The following EML6 variants were observed in gnomAD, a reference collection of about 807,000 sequenced individuals.
The protein encoded by EML6 is echinoderm microtubule-associated protein-like 6.
Under a neutral mutation model 240.1 loss-of-function variants are expected in EML6, and 154 were observed. That is an observed-to-expected ratio of 0.64 (90% CI 0.56 to 0.73). The LOEUF is 0.73. EML6 is among the 30% of genes least tolerant of loss of function. The probability of loss-of-function intolerance (pLI) is 0.00; values close to 1 mark genes in which losing one functional copy is unlikely to be tolerated. For missense variants in EML6, 2,964 were observed against 2,474.6 expected (o/e 1.20, Z -4.20); for synonymous variants, 1,148 against 899.0 (o/e 1.28, Z -4.95).
At chr2:54,781,802 T>C (rs974163942) in intron 2 of EML6, among the ~76,000 whole-genome samples, 7 of 152,136 alleles carry the variant, frequency 4.6e-5, no homozygotes, top group African/African-American at 1.7e-4. Context: ...CTCGAGTAGT[T>C]GGGACCACAG....
Position 54,863,772 on chromosome 2 carries a change from T to G in EML6, c.1826-11T>G. 6.8e-7 allele frequency: 1 copy of G among 1,462,972 alleles called. No individual in the cohort carries two copies. Among genetic ancestry groups the G allele is most frequent in the African/African-American group, 1.4e-5 (1 of 71,260 alleles). 90.6% of individuals were successfully genotyped at this position (1,462,972 alleles called of 1,614,324 possible). A position where few individuals can be genotyped will look rare whatever the true frequency, so the allele number is the denominator to read the frequency against. ...ATTTTTGCTTGTTTCTTGTGGGTTG[T>G]ATCTCTGCAGAAGGTGGAGCTGATT... On this transcript the variant is annotated splice_polypyrimidine_tract_variant and intron_variant, in intron 12 of 41. Transcript: ENST00000356458.
chr2:54,756,614 T>C (rs1340645815), intron 2 of EML6, among the ~76,000 whole-genome samples: 1 of 151,960 alleles, frequency 6.6e-6, no homozygotes, highest in African/African-American at 2.4e-5. Context: ...ATTTTCCTTT[T>C]TATAAATGAT....
chr2:54,968,797 TC>T, intron 41 of EML6, 29 bp downstream of exon 41: 1 of 1,263,272 alleles, frequency 7.9e-7, no homozygotes, highest in Non-Finnish European at 1.1e-6. Flanking sequence ...CAGTTCTTAC[TC>T]CACAGGCCTG....
chr2:54,939,879 C>A (rs748665671), intron 28 of EML6, among the ~76,000 whole-genome samples: 1 of 152,200 alleles, frequency 6.6e-6, no homozygotes, highest in African/African-American at 2.4e-5. Context: ...ACTATAGAGG[C>A]AACTTAACTC....
At position 54,968,067 on chromosome 2, in the gene EML6, G is replaced by T; in HGVS notation, c.5598-61G>T. ...TCCTTATCCCTGGGAGGTGATGACT[G>T]ACTGCAAGGAGCCTTCGCCGTGACT... On this transcript the variant is annotated intron_variant, in intron 39 of 41. Transcript: ENST00000356458. 2.0e-6 allele frequency: 3 copies of T among 1,493,442 alleles called. No individual in the cohort carries two copies. The South Asian group carries it at 3.6e-5, about 18-fold the overall frequency. 92.5% of individuals were successfully genotyped at this position (1,493,442 alleles called of 1,614,324 possible). A position where few individuals can be genotyped will look rare whatever the true frequency, so the allele number is the denominator to read the frequency against.
chr2:54,763,698 G>C (rs1273703914), intron 2 of EML6, among the ~76,000 whole-genome samples: 1 of 152,160 alleles, frequency 6.6e-6, no homozygotes, highest in Non-Finnish European at 1.5e-5. Context: ...GAGCCTAAAA[G>C]GGTGAATGTA....
In EML6 at chr2:54,889,344, C is replaced by T. The variant is rs145460270; in HGVS notation, c.2439-1710C>T. On this transcript the variant is annotated intron_variant, in intron 17 of 41. Transcript: ENST00000356458. ...CTCCAGATTAAACACACACACACCCCGTGGTCTTTTTATTGGAACTAAGTT... is the reference window on the plus strand; with the variant it reads ...CTCCAGATTAAACACACACACACCCTGTGGTCTTTTTATTGGAACTAAGTT... Among the ~76,000 whole-genome samples the T allele has an allele frequency of 7.1e-4, 108 of 151,860 alleles. 1 individual carries two copies. Among genetic ancestry groups the T allele is most frequent in the Non-Finnish European group, 2.9e-4 (20 of 67,938 alleles).
In EML6 at chr2:54,952,580, T is replaced by G; in HGVS notation, c.4214-14T>G. 1 of 1,537,204 alleles carries G rather than the reference T, an allele frequency of 6.5e-7. No homozygotes were observed. The highest frequency in any genetic ancestry group is 8.8e-7 in the Non-Finnish European group (1 of 1,134,646). On this transcript the variant is annotated splice_polypyrimidine_tract_variant and intron_variant, in intron 30 of 41. Coordinates refer to ENST00000356458, the MANE Select transcript of EML6 (RefSeq NM_001039753.4). ...GGTTCCACTGTTCACCCTCCCATGA[T>G]CTCTCTCCCCCAGGGAGCCAGAGCT...
intron 2 of EML6, among the ~76,000 whole-genome samples, chr2:54,778,810 T>C (rs1395228276): frequency 6.8e-6 from 1 of 146,642 alleles, no homozygotes; most frequent in Non-Finnish European, 1.5e-5. Flanking sequence ...GAGAATGGCA[T>C]GAACCTGGGC....
chr2:54,905,374 A>G (rs1053734410), intron 24 of EML6, among the ~76,000 whole-genome samples: 1 of 136,516 alleles, frequency 7.3e-6, no homozygotes, highest in African/African-American at 2.7e-5. Flanking sequence ...ACACACACAC[A>G]CACAAAATAC....
At chr2:54,899,804 A>G in intron 22 of EML6, 22 bp downstream of exon 22, 1 of 1,540,940 alleles carries the variant, frequency 6.5e-7, no homozygotes, top group Non-Finnish European at 8.8e-7. Context: ...CACCTTACAC[A>G]TCTGTCAGAG....
At chr2:54,964,534 C>T in intron 37 of EML6, 37 bp from the exon 38 acceptor site, 1 of 1,547,630 alleles carries the variant, frequency 6.5e-7, no homozygotes, top group South Asian at 1.2e-5. Context: ...CCAAACAGCC[C>T]TCCTCATGGA....
At chr2:54,957,721 G>C (rs532903574) in intron 32 of EML6, 69 bp from the exon 33 acceptor site, 3 of 1,429,804 alleles carry the variant, frequency 2.1e-6, no homozygotes, top group Non-Finnish European at 1.9e-6. Flanking sequence ...GAGACCTCCT[G>C]GGCTGCGGCT....
intron 5 of EML6, 27 bp downstream of exon 5, chr2:54,820,489 G>T (rs1275283295): frequency 7.6e-7 from 1 of 1,319,698 alleles, no homozygotes; most frequent in Admixed American, 2.1e-5. Context: ...TTTAATTTTG[G>T]TACCTTGAGT....
At chr2:54,942,095 G>C (rs1173333695) in intron 28 of EML6, among the ~76,000 whole-genome samples, 1 of 152,072 alleles carries the variant, frequency 6.6e-6, no homozygotes, top group East Asian at 1.9e-4. Context: ...TTGATTTTCT[G>C]TATTGGTTTG....
chr2:54,853,692 C>G lies in EML6; in HGVS notation c.1494C>G (p.Ala498=), dbSNP rs573652851. ...AAGAAATTAAAGGGATTCCTTGGGC[C>G]TCCTGGACATGCGTGAAAGGCCCTG... ...SKEEIKGIPW[A]SWTCVKGPEV... is the part of the protein sequence containing the mutation. Residue 498 remains alanine (A), a synonymous_variant, in exon 11 of 42, where the codon GCC becomes GCG. Coordinates refer to ENST00000356458, the MANE Select transcript of EML6 (RefSeq NM_001039753.4). The G allele has an allele frequency of 4.5e-5, 69 of 1,550,484 alleles. No individual in the cohort carries two copies. In the South Asian group the frequency reaches 6.7e-4, roughly 15 times the overall value.
At chr2:54,798,701 G>A (rs910138905) in intron 2 of EML6, among the ~76,000 whole-genome samples, 1 of 152,142 alleles carries the variant, frequency 6.6e-6, no homozygotes, top group East Asian at 1.9e-4. Flanking sequence ...TTTTGTAACT[G>A]TAGATTAATT....
intron 19 of EML6, 127 bp from the exon 20 acceptor site, chr2:54,894,788 T>C: frequency 1.6e-6 from 1 of 613,926 alleles, no homozygotes; most frequent in East Asian, 2.8e-5. Flanking sequence ...ACCAGAGTTT[T>C]CCATCTCATA....
At chr2:54,963,108 C>G (rs989230939) in intron 36 of EML6, among the ~76,000 whole-genome samples, 5 of 105,662 alleles carry the variant, frequency 4.7e-5, no homozygotes, top group Admixed American at 1.6e-4. Flanking sequence ...TGTGAAATAG[C>G]AAGGAGTGGC....
Sources: gnomAD v4.1 joint callset for allele counts (sites outside exome capture counted in the v4.1 genomes callset) on GRCh38, gnomAD v4.1.1 for gene constraint, MANE v1.5 for transcripts, NCBI Gene and HGNC (gene_info 2026-07-23, HGNC 2026-07-21) for gene names.